Variants in MACF1 observed in about 807,000 individuals in gnomAD.
MACF1 encodes the protein microtubule actin crosslinking factor 1.
In MACF1, 193 loss-of-function variants were observed where a neutral mutation model predicts 854.8. The observed-to-expected ratio is 0.23, with a 90% CI of 0.20 to 0.25. The LOEUF (loss-of-function observed/expected upper bound fraction) is 0.25. Among genes scored for constraint, MACF1 ranks in the 10% least tolerant of loss-of-function variants. The pLI, the probability that MACF1 is intolerant of heterozygous loss-of-function variation, is 1.00. For missense variants in MACF1, 7,722 were observed against 8,929.1 expected, an observed-to-expected ratio of 0.86 and a Z score of 5.45; for synonymous variants, 3,185 against 3,226.7, an observed-to-expected ratio of 0.99 and a Z score of 0.44.
intron 58 of MACF1, among the ~76,000 whole-genome samples, chr1:39,397,029 T>C (rs1381238599): frequency 1.3e-5 from 2 of 152,214 alleles, no homozygotes; most frequent in Non-Finnish European, 2.9e-5. Context: ...TCATTTGAAA[T>C]ATGGATCTTT....
chr1:39,221,534 C>T (rs1028392513), intron 1 of MACF1, among the ~76,000 whole-genome samples: 3 of 152,202 alleles, frequency 2.0e-5, no homozygotes, highest in South Asian at 2.1e-4. Context: ...CTCACCAAAT[C>T]GGTAACCTCT....
chr1:39,090,506 G>GT (rs887455751), intron 2 of MACF1, among the ~76,000 whole-genome samples: 1 of 152,258 alleles, frequency 6.6e-6, no homozygotes, highest in African/African-American at 2.4e-5. Context: ...TTTCTCTGAG[G>GT]TGCAGGGCCC....
chr1:39,240,542 A>AG (rs1157147604), intron 2 of MACF1, among the ~76,000 whole-genome samples: 1 of 152,226 alleles, frequency 6.6e-6, no homozygotes, highest in Non-Finnish European at 1.5e-5. Context: ...CTTGTTGCCC[A>AG]GGCTGGCATG....
At chr1:39,174,450 C>G (rs1246888509) in intron 2 of MACF1, among the ~76,000 whole-genome samples, 1 of 152,044 alleles carries the variant, frequency 6.6e-6, no homozygotes, top group Admixed American at 6.6e-5. Context: ...TTAGTAATTC[C>G]AAATGTGGCT....
Position 39,252,602 on chromosome 1 carries a change from C to A in MACF1, c.357+661C>A, listed in dbSNP as rs371755776. On this transcript the variant is annotated intron_variant, in intron 4 of 100. Coordinates refer to ENST00000564288, the MANE Select transcript of MACF1 (RefSeq NM_001394062.1). ...ATAGTCCAAAATCTTTTTCCAGAAA[C>A]AAGGATTAGGCAATATCCTCATTCT... 2.6e-5 allele frequency among the ~76,000 whole-genome samples: 4 copies of A among 151,746 alleles called. No individual in the cohort carries two copies. In the East Asian group the frequency reaches 7.7e-4, roughly 29 times the overall value.
At chr1:39,411,334 C>T in intron 58 of MACF1, 9 of 1,613,980 alleles carry the variant, frequency 5.6e-6, no homozygotes, top group Non-Finnish European at 7.6e-6. Context: ...GAAGAACAGC[C>T]TGGCAGATAT....
At chr1:39,466,052 A>T (rs150426164) in intron 95 of MACF1, among the ~76,000 whole-genome samples, 7 of 152,328 alleles carry the variant, frequency 4.6e-5, no homozygotes, top group African/African-American at 1.4e-4. Flanking sequence ...AGAGGGTCAG[A>T]TGACTTCTAA....
chr1:39,112,927 G>A (rs1485964865), intron 2 of MACF1, among the ~76,000 whole-genome samples: 2 of 151,722 alleles, frequency 1.3e-5, no homozygotes, highest in Non-Finnish European at 2.9e-5. Flanking sequence ...AGGCTACAGT[G>A]AGCTATCATC....
chr1:39,381,218 C>T (rs778197036), intron 55 of MACF1, among the ~76,000 whole-genome samples: 4 of 151,812 alleles, frequency 2.6e-5, no homozygotes, highest in African/African-American at 4.8e-5. Flanking sequence ...CCACCATGCC[C>T]GGCTAATTTT....
In MACF1 at chr1:39,361,382, G is replaced by A. The variant is rs778866280; in HGVS notation, c.12476G>A (p.Arg4159Gln). The stretch of plus-strand genomic sequence containing the variant: ...CAGAAATTGAAGCAGGACATTGCTC[G>A]GCAAAAGAGCAGCTTGGAGGCCACC... ...TNMKLKQDIARQKSSLEATRE... is the reference protein window; with the variant it reads ...TNMKLKQDIAQQKSSLEATRE... The change falls in exon 49 of 101, where the codon CGG (arginine) becomes CAG (glutamine). Residue 4159 changes from arginine (R) to glutamine (Q), a missense_variant. Arg to Gln is a conservative substitution (Grantham distance 43). Around this residue, in one of 15 missense-constraint regions of MACF1, gnomAD observed 2,807 missense variants for 3,235.8 expected, o/e 0.87. Transcript: ENST00000564288. 21 of 1,613,222 alleles carry A rather than the reference G, an allele frequency of 1.3e-5. No homozygotes were observed. Among genetic ancestry groups the A allele is most frequent in the Middle Eastern group, 1.6e-4 (1 of 6,082 alleles).
intron 6 of MACF1, among the ~76,000 whole-genome samples, chr1:39,267,784 C>T (rs966820705): frequency 6.6e-6 from 1 of 152,158 alleles, no homozygotes; most frequent in Non-Finnish European, 1.5e-5. Flanking sequence ...TTACCAAGCA[C>T]TCATTTACTG....
In MACF1 at chr1:39,292,003, C is replaced by G. The variant is rs769134124; in HGVS notation, c.1879C>G (p.Leu627Val). 2 of 1,614,030 alleles carry G rather than the reference C, an allele frequency of 1.2e-6. No individual in the cohort carries two copies. Among genetic ancestry groups the G allele is most frequent in the South Asian group, 1.1e-5 (1 of 91,080 alleles). ...QQHIHTSVEE[L>V]GSSVKEARLY... Reference sequence around the variant, plus strand: ...GCACATCCATACGAGTGTAGAAGAGCTGGGCTCAAGTGTCAAGGAGGCCAG... The same window carrying G: ...GCACATCCATACGAGTGTAGAAGAGGTGGGCTCAAGTGTCAAGGAGGCCAG... Residue 627 changes from leucine (L) to valine (V), a missense_variant, in exon 16 of 101, where the codon CTG (leucine) becomes GTG (valine). Coordinates refer to ENST00000564288, the MANE Select transcript of MACF1 (RefSeq NM_001394062.1).
chr1:39,141,773 T>C (rs1043878038), intron 2 of MACF1, among the ~76,000 whole-genome samples: 1 of 152,142 alleles, frequency 6.6e-6, no homozygotes, highest in African/African-American at 2.4e-5. Context: ...TACCTTAGAT[T>C]TGGAAAGATG....
At chr1:39,088,149 T>G (rs954523698) in intron 2 of MACF1, among the ~76,000 whole-genome samples, 28 of 152,218 alleles carry the variant, frequency 1.8e-4, no homozygotes, top group Admixed American at 6.5e-5. Context: ...ATTTTTTGTA[T>G]TTTTAGTAGA....
intron 58 of MACF1, among the ~76,000 whole-genome samples, chr1:39,400,314 A>G (rs935349022): frequency 6.6e-6 from 1 of 152,226 alleles, no homozygotes; most frequent in African/African-American, 2.4e-5. Flanking sequence ...CTTTAACTGT[A>G]AAATACAAAT....
Position 39,159,933 on chromosome 1 carries a change from C to T in MACF1, c.221-71249C>T, listed in dbSNP as rs544408575. Among the ~76,000 whole-genome samples the T allele has an allele frequency of 4.6e-5, 7 of 152,074 alleles. No homozygotes were observed. The East Asian group carries it at 1.4e-3, about 29-fold the overall frequency. On this transcript the variant is annotated intron_variant, in intron 2 of 93. Coordinates refer to the MACF1 transcript ENST00000361689. ...CAGGAGATCTGTACTCCCTTCTTGCCAGGGTATGTAGATGTTTTACTTTCT... is the reference window on the plus strand; with the variant it reads ...CAGGAGATCTGTACTCCCTTCTTGCTAGGGTATGTAGATGTTTTACTTTCT...
chr1:39,223,162 G>A (rs1019133359), intron 1 of MACF1, among the ~76,000 whole-genome samples: 1 of 152,188 alleles, frequency 6.6e-6, no homozygotes, highest in Non-Finnish European at 1.5e-5. Flanking sequence ...CAGAGTATGT[G>A]CAAAGGCATG....
chr1:39,468,860 C>A, intron 96 of MACF1, 128 bp downstream of exon 96: 2 of 797,188 alleles, frequency 2.5e-6, no homozygotes, highest in Non-Finnish European at 2.1e-6. Context: ...CAGGTGTCAT[C>A]CCACTAGCAC....
At chr1:39,351,843 C>T (rs772301601) in intron 43 of MACF1, among the ~76,000 whole-genome samples, 5 of 152,082 alleles carry the variant, frequency 3.3e-5, no homozygotes, top group African/African-American at 4.8e-5. Flanking sequence ...CTGCCTCGGC[C>T]TCCCAAAGTG....
Sources: allele counts gnomAD v4.1 joint callset (sites outside exome capture counted in the v4.1 genomes callset), GRCh38; gene constraint gnomAD v4.1.1; regional missense constraint gnomAD v4.1.1; transcripts MANE v1.5; gene names NCBI Gene and HGNC (gene_info 2026-07-23, HGNC 2026-07-21).